AUTS2: variants seen among roughly 807,000 people sequenced by gnomAD.
The protein encoded by AUTS2 is activator of transcription and developmental regulator AUTS2.
Under a neutral mutation model 112.4 loss-of-function variants are expected in AUTS2, and 17 were observed. The observed-to-expected ratio is 0.15, with a 90% CI of 0.10 to 0.23. AUTS2 has a LOEUF of 0.23. AUTS2 is among the 10% of genes least tolerant of loss of function. The pLI, the probability that AUTS2 is intolerant of heterozygous loss-of-function variation, is 1.00. For missense variants in AUTS2, 1,510 were observed against 1,701.6 expected, an observed-to-expected ratio of 0.89 and a Z score of 1.98; for synonymous variants, 751 against 702.7, an observed-to-expected ratio of 1.07 and a Z score of -1.09.
intron 6 of AUTS2, among the ~76,000 whole-genome samples, chr7:70,703,363 G>T (rs1362445478): frequency 2.0e-5 from 3 of 151,962 alleles, no homozygotes; most frequent in Non-Finnish European, 2.9e-5. Flanking sequence ...GGGGTTGGTA[G>T]CGTGTATTTG....
chr7:69,992,846 C>G (rs1342559172), intron 2 of AUTS2, among the ~76,000 whole-genome samples: 1 of 152,182 alleles, frequency 6.6e-6, no homozygotes, highest in Non-Finnish European at 1.5e-5. Context: ...GATCGCACCA[C>G]TGCACTCCAG....
At chr7:70,086,403 A>G (rs1584698946) in intron 2 of AUTS2, among the ~76,000 whole-genome samples, 1 of 152,112 alleles carries the variant, frequency 6.6e-6, no homozygotes, top group Non-Finnish European at 1.5e-5. Flanking sequence ...GCACTTTGGG[A>G]GGCTGAGGCA....
chr7:70,216,268 G>A (rs887240501), intron 4 of AUTS2, among the ~76,000 whole-genome samples: 2 of 152,304 alleles, frequency 1.3e-5, no homozygotes, highest in Middle Eastern at 3.4e-3. Context: ...GTGTTGGAAC[G>A]AAATATGGAC....
chr7:70,502,535 C>T (rs971508848), intron 5 of AUTS2, among the ~76,000 whole-genome samples: 2 of 152,084 alleles, frequency 1.3e-5, no homozygotes, highest in Admixed American at 6.6e-5. Flanking sequence ...TTTTGCCCAC[C>T]GCTTCCAGTG....
chr7:70,336,201 A>G (rs992806855), intron 4 of AUTS2, among the ~76,000 whole-genome samples: 6 of 152,192 alleles, frequency 3.9e-5, no homozygotes, highest in Non-Finnish European at 4.4e-5. Flanking sequence ...TTATTTGTTA[A>G]AAAAATAAAA....
At chr7:70,704,191 C>T (rs959279459) in intron 6 of AUTS2, among the ~76,000 whole-genome samples, 1 of 152,138 alleles carries the variant, frequency 6.6e-6, no homozygotes, top group South Asian at 2.1e-4. Flanking sequence ...GATCTTTTGC[C>T]GAACTTGTGA....
At chr7:69,781,263 G>T (rs936312826) in intron 1 of AUTS2, among the ~76,000 whole-genome samples, 22 of 152,298 alleles carry the variant, frequency 1.4e-4, no homozygotes, top group Middle Eastern at 6.8e-3. Context: ...TTGAAAAATG[G>T]TTCCATTGTT....
At chr7:70,605,752 A>G (rs567169068) in intron 5 of AUTS2, among the ~76,000 whole-genome samples, 7 of 152,098 alleles carry the variant, frequency 4.6e-5, no homozygotes, top group Non-Finnish European at 1.0e-4. Context: ...TTAGCGAATC[A>G]CAGAATTACA....
At chr7:69,717,048 A>G (rs781419768) in intron 1 of AUTS2, among the ~76,000 whole-genome samples, 6 of 152,104 alleles carry the variant, frequency 3.9e-5, no homozygotes, top group Non-Finnish European at 7.4e-5. Flanking sequence ...TGGAAAATTT[A>G]TTACATAGGC....
At chr7:69,909,653 C>T (rs1027574899) in intron 2 of AUTS2, among the ~76,000 whole-genome samples, 3 of 152,068 alleles carry the variant, frequency 2.0e-5, no homozygotes, top group Non-Finnish European at 4.4e-5. Flanking sequence ...ATTGAATTTA[C>T]GATTTTGATT....
chr7:70,059,747 C>T (rs1229728456), intron 2 of AUTS2, among the ~76,000 whole-genome samples: 7 of 151,976 alleles, frequency 4.6e-5, no homozygotes, highest in East Asian at 1.9e-4. Flanking sequence ...TCGATGCCTT[C>T]GATGCTAGGC....
chr7:70,060,755 C>T (rs145878746), intron 2 of AUTS2, among the ~76,000 whole-genome samples: 4 of 152,336 alleles, frequency 2.6e-5, no homozygotes, highest in African/African-American at 4.8e-5. Context: ...CTCTTTAAAT[C>T]GTGCTAGGCC....
chr7:70,192,246 A>G (rs1182706352), intron 4 of AUTS2, among the ~76,000 whole-genome samples: 1 of 152,152 alleles, frequency 6.6e-6, no homozygotes, highest in Non-Finnish European at 1.5e-5. Flanking sequence ...CTTCCCTTAG[A>G]AAGACAGTCT....
chr7:69,844,631 G>A (rs1584329313), intron 1 of AUTS2, among the ~76,000 whole-genome samples: 3 of 152,206 alleles, frequency 2.0e-5, no homozygotes, highest in South Asian at 4.2e-4. Context: ...TATTTAAAAA[G>A]CAGAAGCATA....
At chr7:70,243,005 C>A (rs1812705708) in intron 4 of AUTS2, among the ~76,000 whole-genome samples, 1 of 152,138 alleles carries the variant, frequency 6.6e-6, no homozygotes, top group African/African-American at 2.4e-5. Context: ...CTATTCTTGC[C>A]TATTTTACCC....
chr7:70,448,776 T>G (rs7789284), intron 5 of AUTS2, among the ~76,000 whole-genome samples: 11,710 of 152,220 alleles, frequency 0.077, 569 homozygotes, highest in East Asian at 0.14. Flanking sequence ...AGGCCTACTT[T>G]AAGAAGAGTA....
chr7:70,534,990 T>C (rs1412769030), intron 5 of AUTS2, among the ~76,000 whole-genome samples: 1 of 150,976 alleles, frequency 6.6e-6, no homozygotes, highest in East Asian at 1.9e-4. Context: ...CAAGTAAGAA[T>C]TTTTTTAAAG....
intron 1 of AUTS2, among the ~76,000 whole-genome samples, chr7:69,681,442 G>T (rs2129168700): frequency 6.6e-6 from 1 of 152,278 alleles, no homozygotes; most frequent in East Asian, 1.9e-4. Flanking sequence ...ATACAGAACA[G>T]GGCAGCTTTG....
intron 4 of AUTS2, among the ~76,000 whole-genome samples, chr7:70,336,102 A>AATCT (rs748132874): frequency 6.6e-6 from 1 of 152,234 alleles, no homozygotes; most frequent in African/African-American, 2.4e-5. Flanking sequence ...GATGATTCAC[A>AATCT]ATCTTTTATG....
Sources: gnomAD v4.1 joint callset for allele counts (sites outside exome capture counted in the v4.1 genomes callset) on GRCh38, gnomAD v4.1.1 for gene constraint, MANE v1.5 for transcripts, NCBI Gene and HGNC (gene_info 2026-07-23, HGNC 2026-07-21) for gene names.